Variants in POU6F2 observed in about 807,000 individuals in gnomAD.
POU6F2 encodes the protein POU domain, class 6, transcription factor 2.
In POU6F2, 31 loss-of-function variants were observed where a neutral mutation model predicts 71.3. The observed-to-expected ratio is 0.43, with a 90% CI of 0.33 to 0.59. The LOEUF is 0.59. POU6F2 is among the 20% of genes least tolerant of loss of function. POU6F2 has a pLI of 0.04. For missense variants in POU6F2, 783 were observed against 856.8 expected (o/e 0.91, Z 1.07); for synonymous variants, 347 against 355.7 (o/e 0.98, Z 0.27).
chr7:39,255,841 G>A (rs1267294908), intron 4 of POU6F2, among the ~76,000 whole-genome samples: 3 of 152,142 alleles, frequency 2.0e-5, no homozygotes, highest in African/African-American at 7.2e-5. Flanking sequence ...TTTAAAAGCA[G>A]TACTGCCCCT....
intron 4 of POU6F2, among the ~76,000 whole-genome samples, chr7:39,296,900 T>C (rs1784856343): frequency 6.6e-6 from 1 of 152,192 alleles, no homozygotes; most frequent in Non-Finnish European, 1.5e-5. Context: ...GTTTAACTGC[T>C]TCATAAAAGC....
chr7:39,402,034 A>T (rs1411736286), intron 5 of POU6F2, among the ~76,000 whole-genome samples: 1 of 152,264 alleles, frequency 6.6e-6, no homozygotes, highest in African/African-American at 2.4e-5. Flanking sequence ...TAATAGAATC[A>T]TATAATCAGC....
At chr7:39,097,077 C>G (rs933236691) in intron 2 of POU6F2, among the ~76,000 whole-genome samples, 4 of 151,976 alleles carry the variant, frequency 2.6e-5, no homozygotes, top group Admixed American at 1.3e-4. Context: ...CAATGGTTAT[C>G]AAGTTTTTAA....
At chr7:39,182,673 G>A (rs1025915942) in intron 2 of POU6F2, among the ~76,000 whole-genome samples, 5 of 151,800 alleles carry the variant, frequency 3.3e-5, no homozygotes, top group African/African-American at 1.2e-4. Context: ...TTAACTCCTG[G>A]GCTCTTTTCT....
At chr7:39,446,685 G>C (rs750830874) in intron 7 of POU6F2, among the ~76,000 whole-genome samples, 7 of 152,224 alleles carry the variant, frequency 4.6e-5, no homozygotes, top group Non-Finnish European at 1.0e-4. Flanking sequence ...GTGAGAGCCA[G>C]TAGGACGTAG....
chr7:39,420,037 G>T (rs192251004), intron 6 of POU6F2, among the ~76,000 whole-genome samples: 367 of 152,268 alleles, frequency 2.4e-3, no homozygotes, highest in Non-Finnish European at 3.9e-3. Flanking sequence ...TCCTCTGATG[G>T]TCTAGAATGA....
chr7:39,068,824 A>G (rs989058942), intron 1 of POU6F2, among the ~76,000 whole-genome samples: 3 of 152,136 alleles, frequency 2.0e-5, no homozygotes, highest in Non-Finnish European at 4.4e-5. Flanking sequence ...CTCAGAATAT[A>G]TCTTTAGGAT....
At chr7:39,136,878 T>TCAGGAGGCTGAGATGGGTCCCAGCTATG (rs1562719517) in intron 2 of POU6F2, among the ~76,000 whole-genome samples, 8 of 150,700 alleles carry the variant, frequency 5.3e-5, no homozygotes, top group African/African-American at 9.8e-5. Flanking sequence ...TCCTAGCTAC[T>TCAGGAGGCTGAGATGGGTCCCAGCTATG]CAGGAGGCTG....
chr7:39,228,203 A>G (rs1794507864), intron 4 of POU6F2, among the ~76,000 whole-genome samples: 1 of 152,204 alleles, frequency 6.6e-6, no homozygotes, highest in South Asian at 2.1e-4. Context: ...CTCAAAATAT[A>G]TACTTTGAGT....
intron 2 of POU6F2, among the ~76,000 whole-genome samples, chr7:39,107,055 C>CT (rs1380246878): frequency 4.7e-5 from 4 of 84,976 alleles, no homozygotes; most frequent in Non-Finnish European, 9.9e-5. Context: ...TTTTTTTTTT[C>CT]TTTTTTTTCA....
At chr7:39,264,430 A>G (rs1784202740) in intron 4 of POU6F2, among the ~76,000 whole-genome samples, 1 of 152,174 alleles carries the variant, frequency 6.6e-6, no homozygotes, top group Non-Finnish European at 1.5e-5. Flanking sequence ...TGAGGAAACC[A>G]TTCTGACTGC....
intron 1 of POU6F2, among the ~76,000 whole-genome samples, chr7:38,995,858 G>A (rs1250047960): frequency 6.6e-6 from 1 of 152,108 alleles, no homozygotes; most frequent in Non-Finnish European, 1.5e-5. Flanking sequence ...AACACTACAT[G>A]TACATGAGTT....
At chr7:39,259,914 G>A (rs1024007886) in intron 4 of POU6F2, among the ~76,000 whole-genome samples, 1 of 151,918 alleles carries the variant, frequency 6.6e-6, no homozygotes, top group African/African-American at 2.4e-5. Flanking sequence ...TGGGACACTG[G>A]AGGGTGGGAG....
chr7:39,053,053 G>A (rs1341822035), intron 1 of POU6F2, among the ~76,000 whole-genome samples: 1 of 152,126 alleles, frequency 6.6e-6, no homozygotes, highest in Non-Finnish European at 1.5e-5. Context: ...TTGGGCAGGG[G>A]TGTGGGGTAT....
At chr7:39,356,755 T>A (rs1218152640) in intron 5 of POU6F2, among the ~76,000 whole-genome samples, 2 of 152,238 alleles carry the variant, frequency 1.3e-5, no homozygotes, top group Non-Finnish European at 1.5e-5. Flanking sequence ...TTTATTGTTA[T>A]AATTAGAACC....
intron 6 of POU6F2, among the ~76,000 whole-genome samples, chr7:39,429,589 T>G (rs980947355): frequency 7.2e-5 from 11 of 152,050 alleles, no homozygotes; most frequent in Non-Finnish European, 2.9e-5. Context: ...AGAAGCAGTA[T>G]TAGGCTGCTC....
At chr7:39,289,868 C>G (rs1025708008) in intron 4 of POU6F2, among the ~76,000 whole-genome samples, 1 of 152,066 alleles carries the variant, frequency 6.6e-6, no homozygotes, top group African/African-American at 2.4e-5. Flanking sequence ...ATCTCTGGAC[C>G]GTGTTCCTCC....
chr7:39,272,755 G>A (rs1009706262), intron 4 of POU6F2, among the ~76,000 whole-genome samples: 2 of 152,114 alleles, frequency 1.3e-5, no homozygotes, highest in African/African-American at 4.8e-5. Context: ...TAAGCAGAAA[G>A]GATAATAAAG....
chr7:39,122,927 C>G (rs555838722), intron 2 of POU6F2, among the ~76,000 whole-genome samples: 57 of 152,182 alleles, frequency 3.7e-4, no homozygotes, highest in African/African-American at 1.3e-3. Flanking sequence ...AGGCTGGTCT[C>G]AAACTCCTGA....
Sources: gnomAD v4.1 joint callset for allele counts (sites outside exome capture counted in the v4.1 genomes callset) on GRCh38, gnomAD v4.1.1 for gene constraint, MANE v1.5 for transcripts, NCBI Gene and HGNC (gene_info 2026-07-23, HGNC 2026-07-21) for gene names.